TENM3: variants seen among roughly 807,000 people sequenced by gnomAD.
The protein encoded by TENM3 is teneurin-3.
A neutral mutation model predicts 255.1 loss-of-function variants in TENM3; 63 were observed. The ratio of observed to expected loss-of-function variants is 0.25; its 90% CI spans 0.20 to 0.30. The LOEUF is 0.30. Among genes scored for constraint, TENM3 ranks in the 10% least tolerant of loss-of-function variants. TENM3 has a pLI of 1.00. For synonymous variants in TENM3, 1,306 were observed against 1,322.3 expected, an observed-to-expected ratio of 0.99 and a Z score of 0.27; for missense variants, 2,929 against 3,461.1, an observed-to-expected ratio of 0.85 and a Z score of 3.86.
Position 182,753,530 on chromosome 4 carries a change from T to A in TENM3, c.3943T>A (p.Ser1315Thr), listed in dbSNP as rs758525327. 1 of 1,614,006 alleles carries A rather than the reference T, an allele frequency of 6.2e-7. No homozygotes were observed. The highest frequency in any genetic ancestry group is 8.5e-7 in the Non-Finnish European group (1 of 1,179,886). The part of the protein sequence containing the change: ...IRKVDQNGII[S>T]TLLGSNDLTS... ...GAAAGTTGACCAAAATGGAATCATA[T>A]CAACTCTTCTGGGCTCTAACGATTT... The change falls in exon 21 of 28, where the codon TCA (serine) becomes ACA (threonine). Residue 1315 changes from serine to threonine, a missense_variant. By Grantham distance (58) the Ser-to-Thr change is moderately conservative. This residue lies in a region of TENM3 where 1,608 missense variants were observed against 1,884.4 expected (regional missense o/e 0.85). Coordinates refer to ENST00000511685, the MANE Select transcript of TENM3 (RefSeq NM_001080477.4).
chr4:181,780,766 T>C, the TENM3 span, among the ~76,000 whole-genome samples: 7 of 152,130 alleles, frequency 4.6e-5, no homozygotes, highest in South Asian at 1.4e-3. Flanking sequence ...TTTTTAGGTC[T>C]AACATTTAAG....
chr4:182,191,927 T>C (rs1168435159), intron 1 of TENM3, among the ~76,000 whole-genome samples: 1 of 152,206 alleles, frequency 6.6e-6, no homozygotes, highest in South Asian at 2.1e-4. Flanking sequence ...AATACATCAT[T>C]CTGTTATTTA....
the TENM3 span, among the ~76,000 whole-genome samples, chr4:181,477,839 TAAAGG>T: frequency 6.6e-6 from 1 of 152,152 alleles, no homozygotes; most frequent in African/African-American, 2.4e-5. Flanking sequence ...CGTGAATACT[TAAAGG>T]AGAAAAACAG....
intron 6 of TENM3, among the ~76,000 whole-genome samples, chr4:182,671,689 C>T (rs941794910): frequency 1.3e-5 from 2 of 152,084 alleles, no homozygotes; most frequent in African/African-American, 4.8e-5. Flanking sequence ...ACAGTGCTGC[C>T]GCTAGCAGAC....
chr4:181,980,505 A>G, the TENM3 span: 1 of 152,200 alleles, frequency 6.6e-6, no homozygotes, highest in African/African-American at 2.4e-5. Flanking sequence ...GCAATTCCAT[A>G]TATTCAACCT....
chr4:182,491,428 AATTTACG>A (rs1735288351), intron 3 of TENM3, among the ~76,000 whole-genome samples: 1 of 151,960 alleles, frequency 6.6e-6, no homozygotes, highest in Non-Finnish European at 1.5e-5. Context: ...AAGTTATTAC[AATTTACG>A]ATCAAACTCA....
intron 3 of TENM3, among the ~76,000 whole-genome samples, chr4:182,459,664 A>G (rs1774176990): frequency 6.6e-6 from 1 of 152,206 alleles, no homozygotes; most frequent in South Asian, 2.1e-4. Context: ...AGTTAGGAAT[A>G]GGAGATTCAA....
At chr4:181,548,065 T>A in the TENM3 span, among the ~76,000 whole-genome samples, 250 of 152,238 alleles carry the variant, frequency 1.6e-3, 3 homozygotes, top group East Asian at 0.028. Context: ...CGGTGTCTGT[T>A]TTTTTCTCCT....
At chr4:181,700,230 CTTT>C in the TENM3 span, among the ~76,000 whole-genome samples, 311 of 150,064 alleles carry the variant, frequency 2.1e-3, no homozygotes, top group African/African-American at 6.7e-3. Context: ...ATTTCAGGGT[CTTT>C]TTTTTTTTTC....
intron 3 of TENM3, among the ~76,000 whole-genome samples, chr4:182,527,828 A>G (rs1311843447): frequency 6.6e-6 from 1 of 152,174 alleles, no homozygotes; most frequent in East Asian, 1.9e-4. Context: ...CCGGGGTTCA[A>G]GCAGATCTTC....
the TENM3 span, among the ~76,000 whole-genome samples, chr4:181,917,542 T>G: frequency 6.6e-6 from 1 of 151,906 alleles, no homozygotes; most frequent in African/African-American, 2.4e-5. Context: ...AGCTCCTGGT[T>G]GGAGCTGGGA....
chr4:182,743,181 A>C lies in TENM3; in HGVS notation c.3391A>C (p.Lys1131Gln), dbSNP rs1483840697. 6.2e-7 allele frequency: 1 copy of C among 1,612,636 alleles called. No homozygotes were observed. The highest frequency in any genetic ancestry group is 1.3e-5 in the African/African-American group (1 of 74,922). Residue 1131 changes from lysine (K) to glutamine (Q), a missense_variant, in exon 19 of 28, where the codon AAG (lysine) becomes CAG (glutamine). By Grantham distance (53) the Lys-to-Gln change is moderately conservative. Coordinates refer to ENST00000511685, the MANE Select transcript of TENM3 (RefSeq NM_001080477.4). Reference protein sequence around the residue: ...VLDVQNGILYKGNGENQFISQ... With the variant: ...VLDVQNGILYQGNGENQFISQ... Reference sequence around the variant, plus strand: ...TTTATTTCTTCTAGGTATACTGTACAAGGGAAACGGGGAAAACCAGTTCAT... The same window carrying C: ...TTTATTTCTTCTAGGTATACTGTACCAGGGAAACGGGGAAAACCAGTTCAT...
the TENM3 span, among the ~76,000 whole-genome samples, chr4:181,797,133 TA>T: frequency 5.3e-5 from 8 of 151,876 alleles, no homozygotes; most frequent in African/African-American, 1.9e-4. Flanking sequence ...TTTTTCTTTG[TA>T]AAAGGGAGGG....
the TENM3 span, among the ~76,000 whole-genome samples, chr4:181,523,877 G>A: frequency 2.6e-5 from 4 of 152,170 alleles, no homozygotes; most frequent in Non-Finnish European, 4.4e-5. Context: ...TCAAACAGTA[G>A]CATACAAGAG....
chr4:182,601,062 C>G lies in TENM3; in HGVS notation c.650C>G (p.Ala217Gly). The change falls in exon 4 of 28, where the codon GCC (alanine) becomes GGC (glycine). Residue 217 changes from alanine (A) to glycine (G), a missense_variant. By Grantham distance (60) the Ala-to-Gly change is moderately conservative. Coordinates refer to ENST00000511685, the MANE Select transcript of TENM3 (RefSeq NM_001080477.4). The part of the protein sequence containing the change: ...SLTNRRNQSP[A>G]PPAALPAELQ... The stretch of plus-strand genomic sequence containing the variant: ...ACCAATAGAAGGAACCAGAGTCCGG[C>G]CCCGCCGGCTGCTTTGCCCGCCGAG... The G allele has an allele frequency of 6.2e-7, 1 of 1,613,778 alleles. No individual in the cohort carries two copies. Among genetic ancestry groups the G allele is most frequent in the Non-Finnish European group, 8.5e-7 (1 of 1,179,836 alleles).
intron 12 of TENM3, among the ~76,000 whole-genome samples, chr4:182,702,474 C>T (rs1025145325): frequency 6.6e-6 from 1 of 152,090 alleles, no homozygotes; most frequent in Non-Finnish European, 1.5e-5. Context: ...ATACCAGCTC[C>T]CTCATGAGTT....
chr4:181,568,595 T>C, the TENM3 span, among the ~76,000 whole-genome samples: 2 of 152,156 alleles, frequency 1.3e-5, no homozygotes, highest in African/African-American at 2.4e-5. Context: ...AGCAAACTCC[T>C]CAGGGAAATC....
At position 182,252,270 on chromosome 4, in the gene TENM3, A is replaced by G. The variant is rs535614904; in HGVS notation, c.-76+8794A>G. Among the ~76,000 whole-genome samples, 16 of 152,254 alleles carry G rather than the reference A, an allele frequency of 1.1e-4. No individual in the cohort carries two copies. In the East Asian group the frequency reaches 3.1e-3, roughly 29 times the overall value. On this transcript the variant is annotated intron_variant, in intron 1 of 27. Coordinates refer to ENST00000511685, the MANE Select transcript of TENM3 (RefSeq NM_001080477.4). Reference sequence around the variant, plus strand: ...TGCTCTTAATTATTTAAGTATACACACGACTTTCTTTCATTATGCTCCTTA... The same window carrying G: ...TGCTCTTAATTATTTAAGTATACACGCGACTTTCTTTCATTATGCTCCTTA...
chr4:182,538,940 G>A (rs762678360), intron 3 of TENM3, among the ~76,000 whole-genome samples: 13 of 151,930 alleles, frequency 8.6e-5, no homozygotes, highest in Non-Finnish European at 1.5e-4. Context: ...ACATTTTGCA[G>A]CATTCAAGTG....
Sources: gnomAD v4.1 joint callset for allele counts (sites outside exome capture counted in the v4.1 genomes callset) on GRCh38, gnomAD v4.1.1 for gene constraint, gnomAD v4.1.1 regional missense constraint, MANE v1.5 for transcripts, NCBI Gene and HGNC (gene_info 2026-07-23, HGNC 2026-07-21) for gene names.